CTNNA2: variants seen among roughly 807,000 people sequenced by gnomAD.
CTNNA2 encodes the protein catenin alpha-2.
Under a neutral mutation model 101.0 loss-of-function variants are expected in CTNNA2, and 42 were observed. That is an observed-to-expected ratio of 0.42 (90% CI 0.32 to 0.54). The LOEUF (loss-of-function observed/expected upper bound fraction) is 0.54. Ranked by LOEUF, CTNNA2 falls within the 20% of genes least tolerant of loss-of-function variation. The pLI, the probability that CTNNA2 is intolerant of heterozygous loss-of-function variation, is 0.14. For missense variants in CTNNA2, 871 were observed against 1,223.1 expected (o/e 0.71, Z 4.29); for synonymous variants, 450 against 456.4 (o/e 0.99, Z 0.18).
intron 7 of CTNNA2, among the ~76,000 whole-genome samples, chr2:80,168,549 C>A (rs949931401): frequency 3.9e-5 from 6 of 152,082 alleles, no homozygotes; most frequent in African/African-American, 1.4e-4. Context: ...CTCACTCTCA[C>A]CCCTAAGTGA....
chr2:80,541,366 T>C (rs1691541288), intron 9 of CTNNA2, among the ~76,000 whole-genome samples: 1 of 152,078 alleles, frequency 6.6e-6, no homozygotes, highest in African/African-American at 2.4e-5. Context: ...ATCAGTACAA[T>C]TAAAGAGAAT....
At chr2:80,261,775 G>T (rs1394814917) in intron 7 of CTNNA2, among the ~76,000 whole-genome samples, 1 of 152,174 alleles carries the variant, frequency 6.6e-6, no homozygotes, top group Non-Finnish European at 1.5e-5. Context: ...AGAGGTTGAT[G>T]AATATTTGTA....
intron 3 of CTNNA2, among the ~76,000 whole-genome samples, chr2:79,838,822 G>A (rs1233220619): frequency 6.6e-6 from 1 of 151,960 alleles, no homozygotes; most frequent in African/African-American, 2.4e-5. Context: ...GATGAAAACA[G>A]TGCCACATGA....
chr2:79,258,501 A>C (rs1674876573), intron 2 of CTNNA2, among the ~76,000 whole-genome samples: 1 of 152,190 alleles, frequency 6.6e-6, no homozygotes, highest in Non-Finnish European at 1.5e-5. Context: ...TGATGCTTCT[A>C]TCTGTATGTC....
chr2:79,992,121 T>C (rs1266377190), intron 7 of CTNNA2, among the ~76,000 whole-genome samples: 1 of 152,126 alleles, frequency 6.6e-6, no homozygotes, highest in Non-Finnish European at 1.5e-5. Context: ...CCTAAGATAA[T>C]AATGTAATTT....
chr2:79,359,788 G>GT (rs55633034), intron 3 of CTNNA2, among the ~76,000 whole-genome samples: 13,014 of 149,740 alleles, frequency 0.087, 889 homozygotes, highest in East Asian at 0.35. Flanking sequence ...CAGTCTGAAG[G>GT]TTTTTTTTTT....
chr2:79,997,342 A>G (rs1456477327), intron 7 of CTNNA2, among the ~76,000 whole-genome samples: 1 of 148,904 alleles, frequency 6.7e-6, no homozygotes, highest in Non-Finnish European at 1.5e-5. Context: ...GGAAGGAAGG[A>G]AAAGAAAAGG....
intron 18 of CTNNA2, among the ~76,000 whole-genome samples, chr2:80,624,370 T>C (rs114843470): frequency 0.013 from 2,009 of 151,812 alleles, 50 homozygotes; most frequent in African/African-American, 0.047. Flanking sequence ...AATAGTCACT[T>C]ACAAGTGCTA....
intron 2 of CTNNA2, among the ~76,000 whole-genome samples, chr2:79,696,166 A>G (rs1162987999): frequency 1.3e-5 from 2 of 152,046 alleles, no homozygotes; most frequent in Non-Finnish European, 2.9e-5. Flanking sequence ...AAGCAAGGTT[A>G]CAAAGTCGCT....
intron 1 of CTNNA2, among the ~76,000 whole-genome samples, chr2:79,548,727 A>G (rs911815562): frequency 1.3e-5 from 2 of 152,226 alleles, no homozygotes; most frequent in African/African-American, 2.4e-5. Context: ...CTCAGCTTCT[A>G]TATTCCCTTC....
At chr2:80,367,301 C>G (rs1675028969) in intron 7 of CTNNA2, among the ~76,000 whole-genome samples, 1 of 152,110 alleles carries the variant, frequency 6.6e-6, no homozygotes, top group African/African-American at 2.4e-5. Context: ...TGCACAGATT[C>G]ACCCAGGTTT....
At chr2:79,329,086 G>A (rs993429327) in intron 3 of CTNNA2, among the ~76,000 whole-genome samples, 7 of 152,102 alleles carry the variant, frequency 4.6e-5, no homozygotes, top group Non-Finnish European at 2.9e-5. Context: ...ATCTTAACTT[G>A]TTTACATATG....
intron 7 of CTNNA2, among the ~76,000 whole-genome samples, chr2:80,081,040 C>T (rs954483732): frequency 5.4e-5 from 8 of 149,378 alleles, no homozygotes; most frequent in African/African-American, 1.5e-4. Context: ...ATAGAAATGC[C>T]GTTTGAGGAG....
intron 9 of CTNNA2, among the ~76,000 whole-genome samples, chr2:80,437,545 G>T (rs1385478525): frequency 6.6e-6 from 1 of 152,142 alleles, no homozygotes; most frequent in East Asian, 1.9e-4. Context: ...ATCCAGAAAT[G>T]CATAATTACT....
chr2:79,382,375 C>A (rs1395432573), intron 4 of CTNNA2, among the ~76,000 whole-genome samples: 1 of 152,070 alleles, frequency 6.6e-6, no homozygotes, highest in Non-Finnish European at 1.5e-5. Flanking sequence ...ATAATTTTCT[C>A]TTTTATTCCT....
intron 1 of CTNNA2, among the ~76,000 whole-genome samples, chr2:79,650,776 T>A: frequency 8.8e-6 from 1 of 113,090 alleles, no homozygotes; most frequent in South Asian, 3.7e-4. Flanking sequence ...CCCAATGCTA[T>A]CCCTCCCCCC....
chr2:80,319,711 C>T (rs1411325673), intron 7 of CTNNA2, among the ~76,000 whole-genome samples: 1 of 152,140 alleles, frequency 6.6e-6, no homozygotes, highest in South Asian at 2.1e-4. Flanking sequence ...AGCACCCCAT[C>T]CCAGGTGTAA....
chr2:79,311,400 C>T (rs1676367730), intron 2 of CTNNA2, among the ~76,000 whole-genome samples: 1 of 114,320 alleles, frequency 8.7e-6, no homozygotes, highest in Non-Finnish European at 1.8e-5. Context: ...CAGGGCTAGA[C>T]TCCGTCTCAA....
chr2:80,415,600 C>G (rs546758624), intron 8 of CTNNA2, among the ~76,000 whole-genome samples: 4 of 152,044 alleles, frequency 2.6e-5, no homozygotes, highest in African/African-American at 7.2e-5. Flanking sequence ...AAGCTTTGAA[C>G]GTTGTTTGTG....
Sources: allele counts gnomAD v4.1 joint callset (sites outside exome capture counted in the v4.1 genomes callset), GRCh38; gene constraint gnomAD v4.1.1; transcripts MANE v1.5; gene names NCBI Gene and HGNC (gene_info 2026-07-23, HGNC 2026-07-21).